Variants in MALRD1 observed in about 807,000 individuals in gnomAD.
MALRD1 encodes the protein MAM and LDL-receptor class A domain-containing protein 1.
MALRD1 carries 247 observed loss-of-function variants against 242.1 expected under a neutral mutation model. The ratio of observed to expected loss-of-function variants is 1.02; its 90% CI spans 0.92 to 1.13. MALRD1 has a LOEUF of 1.13. MALRD1 is among the 50% of genes most tolerant of loss of function. The probability of loss-of-function intolerance (pLI) is 0.00; values close to 1 mark genes in which losing one functional copy is unlikely to be tolerated. For missense variants in MALRD1, 2,989 were observed against 2,533.1 expected (o/e 1.18, Z -3.86); for synonymous variants, 995 against 866.6 (o/e 1.15, Z -2.60).
At chr10:19,151,427 T>C (rs78467606) in intron 11 of MALRD1, among the ~76,000 whole-genome samples, 11,812 of 152,238 alleles carry the variant, frequency 0.078, 557 homozygotes, top group Non-Finnish European at 0.11. Flanking sequence ...TAGGAACTTA[T>C]ACATATATAT....
chr10:19,293,445 C>G (rs961029420), intron 21 of MALRD1, among the ~76,000 whole-genome samples: 1 of 152,074 alleles, frequency 6.6e-6, no homozygotes, highest in African/African-American at 2.4e-5. Context: ...TTAGATTGTC[C>G]TTGAGTTAAG....
chr10:19,320,785 G>A (rs1159105427), intron 21 of MALRD1, among the ~76,000 whole-genome samples: 5 of 151,846 alleles, frequency 3.3e-5, no homozygotes, highest in African/African-American at 7.3e-5. Context: ...GCATGAGATG[G>A]TATCTCATTG....
At chr10:19,371,902 T>C (rs1420509223) in intron 26 of MALRD1, among the ~76,000 whole-genome samples, 2 of 152,098 alleles carry the variant, frequency 1.3e-5, no homozygotes, top group East Asian at 3.9e-4. Flanking sequence ...ACTTCTGAAA[T>C]AAATGAATGA....
intron 31 of MALRD1, among the ~76,000 whole-genome samples, chr10:19,501,465 T>C (rs1837968084): frequency 1.3e-5 from 2 of 152,202 alleles, no homozygotes; most frequent in African/African-American, 2.4e-5. Flanking sequence ...AAAAAGAGTT[T>C]AGTCATGTAT....
At position 19,602,595 on chromosome 10, in the gene MALRD1, T is replaced by C. The variant is rs546577683; in HGVS notation, c.5945-5182T>C. ...CACATTTTCTTAATCCAGTCTATCA[T>C]TGTTGGACATTTGGGTTGGTTCCAA... On this transcript the variant is annotated intron_variant, in intron 34 of 39. Coordinates refer to ENST00000454679, the MANE Select transcript of MALRD1 (RefSeq NM_001142308.3). Among the ~76,000 whole-genome samples the C allele has an allele frequency of 5.5e-4, 83 of 152,178 alleles. 2 individuals are homozygous for C. The highest frequency in any genetic ancestry group is 1.9e-3 in the African/African-American group (79 of 41,542).
At chr10:19,350,775 GACAA>G (rs1318818205) in intron 25 of MALRD1, among the ~76,000 whole-genome samples, 18 of 152,252 alleles carry the variant, frequency 1.2e-4, no homozygotes, top group African/African-American at 3.6e-4. Flanking sequence ...GCACAAATAA[GACAA>G]ACAAAAGGAG....
intron 26 of MALRD1, among the ~76,000 whole-genome samples, chr10:19,374,471 AGTTT>A (rs1304254514): frequency 2.0e-5 from 3 of 152,172 alleles, no homozygotes; most frequent in African/African-American, 7.2e-5. Context: ...AAACCTACTT[AGTTT>A]ATTTCCTGAA....
chr10:19,084,124 T>C (rs1379976455), intron 2 of MALRD1, among the ~76,000 whole-genome samples: 3 of 151,996 alleles, frequency 2.0e-5, no homozygotes, highest in Non-Finnish European at 2.9e-5. Flanking sequence ...TATTTTAGGG[T>C]ATTCTTTAAG....
At chr10:19,722,263 T>G (rs906167606) in intron 38 of MALRD1, 2 of 152,132 alleles carry the variant, frequency 1.3e-5, no homozygotes, top group African/African-American at 4.8e-5. Flanking sequence ...TTGCAAGGGT[T>G]CCTGCTAGGC....
At chr10:19,274,315 A>C (rs1249679100) in intron 19 of MALRD1, among the ~76,000 whole-genome samples, 2 of 152,208 alleles carry the variant, frequency 1.3e-5, no homozygotes, top group East Asian at 3.9e-4. Context: ...AAATCCCATC[A>C]CATGCTGCCA....
intron 21 of MALRD1, chr10:19,291,516 C>G (rs533451566): frequency 2.0e-5 from 3 of 151,790 alleles, no homozygotes; most frequent in African/African-American, 7.3e-5. Context: ...GCACTCCAGC[C>G]TGGGTGACAG....
At chr10:19,605,485 CTTTTTTT>C (rs369007691) in intron 34 of MALRD1, among the ~76,000 whole-genome samples, 22 of 128,456 alleles carry the variant, frequency 1.7e-4, no homozygotes, top group Admixed American at 4.7e-4. Context: ...GTTTTTCTTT[CTTTTTTT>C]TTTTTTTTTT....
At chr10:19,466,354 T>C (rs2131117552) in intron 29 of MALRD1, among the ~76,000 whole-genome samples, 1 of 152,346 alleles carries the variant, frequency 6.6e-6, no homozygotes, top group African/African-American at 2.4e-5. Context: ...CTTTTATTGC[T>C]TTTGCCTTTG....
intron 10 of MALRD1, among the ~76,000 whole-genome samples, chr10:19,139,919 G>C (rs1468164439): frequency 2.6e-5 from 4 of 152,118 alleles, no homozygotes; most frequent in African/African-American, 9.7e-5. Flanking sequence ...AAGACAGCTA[G>C]GGGAAGAAAC....
chr10:19,585,529 T>G (rs1837346263), intron 33 of MALRD1, among the ~76,000 whole-genome samples: 1 of 152,288 alleles, frequency 6.6e-6, no homozygotes, highest in South Asian at 2.1e-4. Context: ...AAAATTCTTT[T>G]CTTTAAGAAT....
intron 24 of MALRD1, among the ~76,000 whole-genome samples, chr10:19,346,145 C>A (rs1331896186): frequency 6.6e-6 from 1 of 151,980 alleles, no homozygotes; most frequent in African/African-American, 2.4e-5. Context: ...TATTTTGCAC[C>A]TTGAGATAAT....
chr10:19,469,194 G>A (rs79546890), intron 29 of MALRD1, among the ~76,000 whole-genome samples: 1 of 151,918 alleles, frequency 6.6e-6, no homozygotes. Flanking sequence ...TTTAATATAC[G>A]CTTTCAGCTT....
At chr10:19,373,334 C>T (rs1588982062) in intron 26 of MALRD1, among the ~76,000 whole-genome samples, 1 of 151,922 alleles carries the variant, frequency 6.6e-6, no homozygotes, top group East Asian at 1.9e-4. Context: ...AACCCCGTCT[C>T]TACTAAAAAT....
intron 18 of MALRD1, among the ~76,000 whole-genome samples, chr10:19,255,002 G>A (rs1334083709): frequency 6.6e-6 from 1 of 151,966 alleles, no homozygotes; most frequent in Non-Finnish European, 1.5e-5. Context: ...AGAAGGATGA[G>A]TTCAGGAAAG....
Sources: allele counts gnomAD v4.1 joint callset (sites outside exome capture counted in the v4.1 genomes callset), GRCh38; gene constraint gnomAD v4.1.1; transcripts MANE v1.5; gene names NCBI Gene and HGNC (gene_info 2026-07-23, HGNC 2026-07-21).